EGFR: variants seen among roughly 807,000 people sequenced by gnomAD.
The protein encoded by EGFR is epidermal growth factor receptor.
In EGFR, 58 loss-of-function variants were observed where a neutral mutation model predicts 143.0. The ratio of observed to expected loss-of-function variants is 0.41; its 90% CI spans 0.33 to 0.50. EGFR has a LOEUF of 0.50. Ranked by LOEUF, EGFR falls within the 20% of genes least tolerant of loss-of-function variation. EGFR has a pLI of 0.39. For missense variants in EGFR, 1,307 were observed against 1,579.0 expected (o/e 0.83, Z 2.92); for synonymous variants, 613 against 594.4 (o/e 1.03, Z -0.45).
intron 1 of EGFR, among the ~76,000 whole-genome samples, chr7:55,061,649 T>TGTGTGTGTGTGTGAGAGA (rs1432070752): frequency 2.6e-4 from 35 of 132,816 alleles, no homozygotes; most frequent in African/African-American, 4.5e-4. Context: ...TGTGTGTGTG[T>TGTGTGTGTGTGTGAGAGA]GAGAGAGAGA....
intron 16 of EGFR, among the ~76,000 whole-genome samples, chr7:55,171,795 G>A (rs967657466): frequency 2.6e-5 from 4 of 152,100 alleles, no homozygotes; most frequent in Non-Finnish European, 5.9e-5. Flanking sequence ...TCTCGATGGC[G>A]TCTAGCCAGG....
intron 12 of EGFR, among the ~76,000 whole-genome samples, chr7:55,161,078 A>G (rs1316812151): frequency 6.6e-6 from 1 of 151,994 alleles, no homozygotes; most frequent in Non-Finnish European, 1.5e-5. Context: ...ATCAAAACAC[A>G]CCCTGTGCCC....
At chr7:55,026,826 T>G (rs1442365644) in intron 1 of EGFR, among the ~76,000 whole-genome samples, 3 of 149,514 alleles carry the variant, frequency 2.0e-5, no homozygotes, top group Non-Finnish European at 1.5e-5. Context: ...TCACCAGGAG[T>G]GCCTCCCAGG....
At chr7:55,133,437 A>G (rs746588226) in intron 1 of EGFR, among the ~76,000 whole-genome samples, 11 of 152,318 alleles carry the variant, frequency 7.2e-5, no homozygotes, top group Middle Eastern at 3.4e-3. Flanking sequence ...TCAGAGGGGA[A>G]GGGAGGTAGC....
chr7:55,151,425 G>A, intron 5 of EGFR, 63 bp downstream of exon 5: 2 of 1,556,812 alleles, frequency 1.3e-6, no homozygotes, highest in Admixed American at 1.7e-5. Context: ...ACTTGCTTAG[G>A]TGATTGGATT....
chr7:55,046,458 C>A (rs1053891496), intron 1 of EGFR, among the ~76,000 whole-genome samples: 1 of 152,040 alleles, frequency 6.6e-6, no homozygotes, highest in South Asian at 2.1e-4. Flanking sequence ...TGTCACTGAC[C>A]TTGTGTATGG....
rs768336804 is a variant in EGFR at position 55,173,069 on chromosome 7, G to A, written c.2006G>A (p.Arg669Gln). ...GCCCTGGGGATCGGCCTCTTCATGCGAAGGCGCCACATCGTTCGGAAGCGC... is the reference window on the plus strand; with the variant it reads ...GCCCTGGGGATCGGCCTCTTCATGCAAAGGCGCCACATCGTTCGGAAGCGC... ...VVALGIGLFM[R>Q]RRHIVRKRTL... Residue 669 changes from arginine to glutamine, a missense_variant, in exon 17 of 28, where the codon CGA (arginine) becomes CAA (glutamine). By Grantham distance (43) the Arg-to-Gln change is conservative (BLOSUM62 1). Transcript: ENST00000275493. 7.4e-6 allele frequency: 12 copies of A among 1,613,370 alleles called. No individual in the cohort carries two copies. The highest frequency in any genetic ancestry group is 1.7e-5 in the Admixed American group (1 of 60,006).
intron 1 of EGFR, among the ~76,000 whole-genome samples, chr7:55,083,111 C>G (rs1272497946): frequency 6.6e-6 from 1 of 152,234 alleles, no homozygotes; most frequent in African/African-American, 2.4e-5. Flanking sequence ...ATTACATCTT[C>G]AAAAACCCCA....
At chr7:55,142,136 G>A (rs931161548) in intron 1 of EGFR, 150 bp from the exon 2 acceptor site, 21 of 875,822 alleles carry the variant, frequency 2.4e-5, no homozygotes, top group East Asian at 1.0e-4. Context: ...TAAGCTTTGC[G>A]CCCAGATGAC....
chr7:55,068,063 C>T (rs534189813), intron 1 of EGFR, among the ~76,000 whole-genome samples: 12 of 118,424 alleles, frequency 1.0e-4, no homozygotes, highest in South Asian at 6.5e-4. Context: ...TGTATGTACG[C>T]GTGTGCATAC....
At chr7:55,110,338 G>A (rs544715506) in intron 1 of EGFR, among the ~76,000 whole-genome samples, 2 of 152,280 alleles carry the variant, frequency 1.3e-5, no homozygotes, top group South Asian at 4.1e-4. Context: ...TCTGTGACTT[G>A]ATCACTGCTA....
At chr7:55,129,061 ATGTT>A (rs1002495943) in intron 1 of EGFR, among the ~76,000 whole-genome samples, 13 of 152,248 alleles carry the variant, frequency 8.5e-5, no homozygotes, top group Non-Finnish European at 2.9e-5. Context: ...AGAAAACAAA[ATGTT>A]TGTGCTGTTC....
At chr7:55,042,730 TA>T (rs1277905831) in intron 1 of EGFR, among the ~76,000 whole-genome samples, 1 of 151,982 alleles carries the variant, frequency 6.6e-6, no homozygotes, top group East Asian at 1.9e-4. Flanking sequence ...AATCTCTGAG[TA>T]AAATAATGAT....
chr7:55,051,453 C>T (rs1272191332), intron 1 of EGFR, among the ~76,000 whole-genome samples: 1 of 151,962 alleles, frequency 6.6e-6, no homozygotes, highest in Non-Finnish European at 1.5e-5. Flanking sequence ...GAGTGCAGCC[C>T]CCTCTTGCTT....
chr7:55,133,907 G>T (rs977887525), intron 1 of EGFR, among the ~76,000 whole-genome samples: 12 of 152,188 alleles, frequency 7.9e-5, no homozygotes, highest in Admixed American at 7.8e-4. Context: ...TCAAAAGTAT[G>T]CCTGTGTGTA....
At chr7:55,146,262 A>G (rs1470821626) in intron 3 of EGFR, among the ~76,000 whole-genome samples, 1 of 151,934 alleles carries the variant, frequency 6.6e-6, no homozygotes, top group African/African-American at 2.4e-5. Context: ...ACATCATGCG[A>G]CCATTCCAGT....
At chr7:55,202,752 T>C (rs1205842179) in intron 27 of EGFR, 127 bp downstream of exon 27, 1 of 848,618 alleles carries the variant, frequency 1.2e-6, no homozygotes. Context: ...GTGGCAGATT[T>C]GCAGACACAG....
Position 55,206,049 on chromosome 7 carries a change from T to C in EGFR, c.*432T>C, listed in dbSNP as rs1788096177. On this transcript the variant is annotated 3_prime_UTR_variant, in exon 28 of 28. Coordinates refer to ENST00000275493, the MANE Select transcript of EGFR (RefSeq NM_005228.5). ...TACCCTGAGTTCATCCAGGCCCAAC[T>C]GTGAGCAAGGAGCACAAGCCACAAG... The C allele has an allele frequency of 2.8e-6, 1 of 356,830 alleles. No homozygotes were observed. Among genetic ancestry groups the C allele is most frequent in the Non-Finnish European group, 5.2e-6 (1 of 193,484 alleles). 22.1% of individuals were successfully genotyped at this position (356,830 alleles called of 1,614,324 possible).
chr7:55,167,514 T>A (rs2128948765), intron 15 of EGFR, among the ~76,000 whole-genome samples: 1 of 147,542 alleles, frequency 6.8e-6, no homozygotes, highest in Non-Finnish European at 1.5e-5. Flanking sequence ...GTGGTGGTGG[T>A]GATGGTGGTG....
Sources: allele counts gnomAD v4.1 joint callset (sites outside exome capture counted in the v4.1 genomes callset), GRCh38; gene constraint gnomAD v4.1.1; transcripts MANE v1.5; gene names NCBI Gene and HGNC (gene_info 2026-07-23, HGNC 2026-07-21).